TMEM175: variants seen among roughly 807,000 people sequenced by gnomAD.
The protein encoded by TMEM175 is transmembrane protein 175.
A neutral mutation model predicts 36.5 loss-of-function variants in TMEM175; 36 were observed. The ratio of observed to expected loss-of-function variants is 0.99; its 90% CI spans 0.76 to 1.30. The LOEUF (loss-of-function observed/expected upper bound fraction) is 1.30, where lower values mean the gene tolerates loss of function less well. Ranked by LOEUF, TMEM175 falls within the 50% of genes most tolerant of loss-of-function variation. TMEM175 has a pLI of 0.00. For synonymous variants in TMEM175, 339 were observed against 313.4 expected (o/e 1.08, Z -0.86); for missense variants, 705 against 692.8 (o/e 1.02, Z -0.20).
chr4:945,629 G>C (rs1728050118), intron 1 of TMEM175, among the ~76,000 whole-genome samples: 1 of 152,176 alleles, frequency 6.6e-6, no homozygotes, highest in Non-Finnish European at 1.5e-5. Context: ...TCGCCTTGGT[G>C]TGAGCAGACT....
chr4:934,790 C>T (rs1470748491), intron 1 of TMEM175, among the ~76,000 whole-genome samples: 1 of 152,172 alleles, frequency 6.6e-6, no homozygotes, highest in Admixed American at 6.5e-5. Flanking sequence ...AATGAGATAT[C>T]TTCTATCTCT....
Position 947,792 on chromosome 4 carries a change from C to T in TMEM175, c.53C>T (p.Pro18Leu). ...GCACTGGATACACCGGGGGACTGCCCCCCAGGCAGGAGAGACGAGGACGCT... is the reference window on the plus strand; with the variant it reads ...GCACTGGATACACCGGGGGACTGCCTCCCAGGCAGGAGAGACGAGGACGCT... The part of the protein sequence containing the change: ...EQALDTPGDC[P>L]PGRRDEDAGE... Residue 18 changes from proline (P) to leucine (L), a missense_variant, in exon 2 of 11, where the codon CCC (proline) becomes CTC (leucine). By Grantham distance (98) the Pro-to-Leu change is moderately conservative. Coordinates refer to ENST00000264771, the MANE Select transcript of TMEM175 (RefSeq NM_032326.4). 1.2e-6 allele frequency: 2 copies of T among 1,612,998 alleles called. No individual in the cohort carries two copies. Among genetic ancestry groups the T allele is most frequent in the African/African-American group, 1.3e-5 (1 of 75,060 alleles).
Position 958,485 on chromosome 4 carries a change from G to GC in TMEM175, c.1509dup (p.Cys504LeufsTer46). 1 of 1,535,934 alleles carries GC rather than the reference G, an allele frequency of 6.5e-7. No homozygotes were observed. Among genetic ancestry groups the GC allele is most frequent in the Non-Finnish European group, 8.7e-7 (1 of 1,145,284 alleles). ...CGACCCACAGTCCCAGCTCCTCCCT[G>GC]CCCCCTGCTAGCAGCCACAGAGCCC... On this transcript the variant is annotated frameshift_variant, in exon 11 of 11. Transcript: ENST00000264771. LOFTEE classifies it high-confidence loss of function.
At chr4:953,051 C>T (rs112991996) in intron 7 of TMEM175, 139 bp from the exon 8 acceptor site, 20 of 829,494 alleles carry the variant, frequency 2.4e-5, no homozygotes, top group Admixed American at 3.1e-5. Flanking sequence ...CCCCTGTGCG[C>T]GCGTGCCATG....
At chr4:947,613 C>G (rs1276718068) in intron 1 of TMEM175, 96 bp from the exon 2 acceptor site, 16 of 933,500 alleles carry the variant, frequency 1.7e-5, no homozygotes, top group South Asian at 8.5e-5. Flanking sequence ...CAAGCCCCCC[C>G]CCATACCAGT....
At chr4:941,379 A>G (rs1303983192) in intron 1 of TMEM175, among the ~76,000 whole-genome samples, 5 of 29,258 alleles carry the variant, frequency 1.7e-4, no homozygotes, top group African/African-American at 5.5e-4. Flanking sequence ...TCTGTCTCAA[A>G]AAAAAAAAAA....
intron 3 of TMEM175, chr4:948,370 GGTGGGAGA>G: frequency 6.5e-7 from 1 of 1,532,844 alleles, no homozygotes; most frequent in Non-Finnish European, 8.7e-7. Context: ...CTCCTGGGAG[GGTGGGAGA>G]CTGGGCTCCT....
chr4:942,365 C>G (rs927832311), intron 1 of TMEM175, among the ~76,000 whole-genome samples: 1 of 152,044 alleles, frequency 6.6e-6, no homozygotes, highest in Non-Finnish European at 1.5e-5. Context: ...ATGCCCGGCC[C>G]GAATTCATTC....
At chr4:937,524 T>C (rs1199170636) in intron 1 of TMEM175, among the ~76,000 whole-genome samples, 2 of 152,100 alleles carry the variant, frequency 1.3e-5, no homozygotes, top group African/African-American at 4.8e-5. Flanking sequence ...GACTGTGCCA[T>C]TGCACTCCAA....
chr4:954,878 G>A (rs1729416236), intron 8 of TMEM175, among the ~76,000 whole-genome samples: 1 of 152,144 alleles, frequency 6.6e-6, no homozygotes, highest in Non-Finnish European at 1.5e-5. Flanking sequence ...GCGAGAGGTC[G>A]ACCATTTGCA....
chr4:933,696 C>T (rs1019260191), intron 1 of TMEM175, among the ~76,000 whole-genome samples: 2 of 152,226 alleles, frequency 1.3e-5, no homozygotes, highest in East Asian at 1.9e-4. Context: ...AAGGTTGCAA[C>T]CCCTTCAACA....
At chr4:951,065 G>A (rs1015249361) in intron 4 of TMEM175, 142 bp from the exon 5 acceptor site, 16 of 834,442 alleles carry the variant, frequency 1.9e-5, no homozygotes, top group East Asian at 8.0e-5. Flanking sequence ...TCCAAACTCC[G>A]TGCACTAGGT....
intron 1 of TMEM175, among the ~76,000 whole-genome samples, chr4:938,334 T>C (rs1727043352): frequency 6.6e-6 from 1 of 152,044 alleles, no homozygotes; most frequent in Non-Finnish European, 1.5e-5. Context: ...TGAAACCCCG[T>C]CTCTACTAAA....
rs539972193 is a variant in TMEM175, at chr4:952,342, T to G, written c.379-25T>G. 5.8e-5 allele frequency: 93 copies of G among 1,593,766 alleles called. No individual in the cohort carries two copies. The African/African-American group carries it at 7.8e-4, about 13-fold the overall frequency. The stretch of plus-strand genomic sequence containing the variant: ...CCTGGTAACCTAGGATTTGGGGGGG[T>G]TTGGTTTTGTTTTTGTTTTAACAGT... On this transcript the variant is annotated intron_variant, in intron 6 of 10. Coordinates refer to ENST00000264771, the MANE Select transcript of TMEM175 (RefSeq NM_032326.4).
At chr4:936,845 T>C (rs1403292274) in intron 1 of TMEM175, among the ~76,000 whole-genome samples, 1 of 152,036 alleles carries the variant, frequency 6.6e-6, no homozygotes, top group East Asian at 1.9e-4. Flanking sequence ...AAATCCCAGC[T>C]ACTTGGGAGG....
At chr4:942,932 G>A (rs945111523) in intron 1 of TMEM175, among the ~76,000 whole-genome samples, 8 of 151,934 alleles carry the variant, frequency 5.3e-5, no homozygotes, top group South Asian at 2.1e-4. Flanking sequence ...GAGCCACTGC[G>A]CCCAGCCAAA....
intron 10 of TMEM175, chr4:956,339 G>C (rs1279815296): frequency 4.7e-6 from 6 of 1,290,260 alleles, no homozygotes; most frequent in Non-Finnish European, 6.1e-6. Context: ...CCTTTGGCTG[G>C]CTGTTGCTTC....
chr4:956,443 GTTTTTTT>G lies in TMEM175; in HGVS notation c.842+566_842+572del, dbSNP rs748261443. On this transcript the variant is annotated intron_variant, in intron 10 of 10. Coordinates refer to ENST00000264771, the MANE Select transcript of TMEM175 (RefSeq NM_032326.4). Reference sequence around the variant, plus strand: ...TCGTCACGTTTTTGGTTTTTGTGGGGTTTTTTTTTTTTTTTTTTTGAGACAGTCCTGC... The same window carrying G: ...TCGTCACGTTTTTGGTTTTTGTGGGGTTTTTTTTTTTTGAGACAGTCCTGC... 2.4e-4 allele frequency: 296 copies of G among 1,211,052 alleles called. 1 individual carries two copies. Among genetic ancestry groups the G allele is most frequent in the Middle Eastern group, 1.8e-3 (7 of 3,858 alleles). 75.0% of individuals were successfully genotyped at this position (1,211,052 alleles called of 1,614,324 possible).
At chr4:937,485 C>T (rs1726925090) in intron 1 of TMEM175, among the ~76,000 whole-genome samples, 1 of 152,112 alleles carries the variant, frequency 6.6e-6, no homozygotes, top group South Asian at 2.1e-4. Flanking sequence ...ATCACTGGGA[C>T]CCAGGAGGTA....
Sources: gnomAD v4.1 joint callset for allele counts (sites outside exome capture counted in the v4.1 genomes callset) on GRCh38, gnomAD v4.1.1 for gene constraint, MANE v1.5 for transcripts, NCBI Gene and HGNC (gene_info 2026-07-23, HGNC 2026-07-21) for gene names.